Variants in TENM4 observed in about 807,000 individuals in gnomAD.
TENM4 encodes the protein teneurin-4.
TENM4 carries 82 observed loss-of-function variants against 243.3 expected under a neutral mutation model. The observed-to-expected ratio is 0.34, with a 90% CI of 0.28 to 0.40. The LOEUF (loss-of-function observed/expected upper bound fraction) is 0.40, where lower values mean the gene tolerates loss of function less well. TENM4 is among the 10% of genes least tolerant of loss of function. The pLI is 1.00. For missense variants in TENM4, 3,138 were observed against 3,673.3 expected, an observed-to-expected ratio of 0.85 and a Z score of 3.77; for synonymous variants, 1,412 against 1,456.3, an observed-to-expected ratio of 0.97 and a Z score of 0.69.
chr11:79,275,215 T>C (rs1419476207), intron 2 of TENM4, among the ~76,000 whole-genome samples: 5 of 147,668 alleles, frequency 3.4e-5, no homozygotes, highest in Non-Finnish European at 5.9e-5. Context: ...GTGCTGGGTA[T>C]GTGTGAGCGG....
chr11:79,299,274 T>TA (rs900974515), intron 1 of TENM4, among the ~76,000 whole-genome samples: 61 of 152,216 alleles, frequency 4.0e-4, no homozygotes, highest in Non-Finnish European at 7.8e-4. Flanking sequence ...GCTGAAATCG[T>TA]AAAAATGCCT....
At position 79,013,155 on chromosome 11, in the gene TENM4, A is replaced by G. The variant is rs182998317; in HGVS notation, c.493+51583T>C. ...CTCTTTCAGACATTCGGGAAATGGC[A>G]ACATTCAGGGGGCACGAGAGCTGGT... On this transcript the variant is annotated intron_variant, in intron 6 of 33. Coordinates refer to ENST00000278550, the MANE Select transcript of TENM4 (RefSeq NM_001098816.3). Among the ~76,000 whole-genome samples the G allele has an allele frequency of 2.3e-3, 352 of 152,326 alleles. 5 individuals carry two copies. Among genetic ancestry groups the G allele is most frequent in the African/African-American group, 8.2e-3 (341 of 41,578 alleles).
chr11:78,727,220 G>T (rs934324991), intron 22 of TENM4, among the ~76,000 whole-genome samples: 1 of 152,110 alleles, frequency 6.6e-6, no homozygotes, highest in African/African-American at 2.4e-5. Context: ...AGGCCGAGGC[G>T]GGCGGATCAC....
chr11:79,105,684 C>T lies in TENM4; in HGVS notation c.-65-35675G>A, dbSNP rs559890992. ...AGTGCCTATGTCTTTCCCCCTTCCC[C>T]AAGCTGGTTTCAGCCCCATGGTTTG... On this transcript the variant is annotated intron_variant, in intron 4 of 33. Transcript: ENST00000278550. 3.0e-4 allele frequency among the ~76,000 whole-genome samples: 46 copies of T among 152,312 alleles called. 1 individual carries two copies. In the South Asian group the frequency reaches 9.3e-3, roughly 31 times the overall value.
intron 6 of TENM4, among the ~76,000 whole-genome samples, chr11:79,001,937 C>T (rs1192298703): frequency 6.6e-6 from 1 of 152,208 alleles, no homozygotes; most frequent in African/African-American, 2.4e-5. Flanking sequence ...ATGCCTGCAG[C>T]CTCCCTCCAC....
chr11:79,175,868 T>C (rs979286499), intron 3 of TENM4, among the ~76,000 whole-genome samples: 6 of 152,162 alleles, frequency 3.9e-5, no homozygotes, highest in African/African-American at 1.4e-4. Flanking sequence ...GAAGATCACT[T>C]GAGCCCAGGA....
chr11:78,691,979 C>G (rs1858838443), intron 28 of TENM4, among the ~76,000 whole-genome samples: 1 of 152,118 alleles, frequency 6.6e-6, no homozygotes, highest in South Asian at 2.1e-4. Flanking sequence ...GTCCTCTGGG[C>G]CCCGCACACC....
intron 4 of TENM4, among the ~76,000 whole-genome samples, chr11:79,110,682 G>A (rs919604173): frequency 6.6e-6 from 1 of 152,180 alleles, no homozygotes; most frequent in Non-Finnish European, 1.5e-5. Flanking sequence ...AAGTTCCAAA[G>A]CTCAGGTCAA....
intron 1 of TENM4, among the ~76,000 whole-genome samples, chr11:79,394,381 C>A (rs554787161): frequency 6.6e-6 from 1 of 152,142 alleles, no homozygotes; most frequent in Non-Finnish European, 1.5e-5. Flanking sequence ...GTTGGAAGTC[C>A]CAGCTTCAGG....
In TENM4 at chr11:78,945,965, T is replaced by A. The variant is rs564344878; in HGVS notation, c.494-42442A>T. 8.5e-5 allele frequency among the ~76,000 whole-genome samples: 13 copies of A among 152,266 alleles called. No homozygotes were observed. In the East Asian group the frequency reaches 2.5e-3, roughly 29 times the overall value. ...ATGAGGTTTAAGGAAAGAAGCAGCC[T>A]CCATAACATAAAAGTGCAAGGTGAA... On this transcript the variant is annotated intron_variant, in intron 6 of 33. Coordinates refer to ENST00000278550, the MANE Select transcript of TENM4 (RefSeq NM_001098816.3).
intron 1 of TENM4, among the ~76,000 whole-genome samples, chr11:79,384,156 G>C (rs1191331455): frequency 6.6e-6 from 1 of 152,194 alleles, no homozygotes; most frequent in African/African-American, 2.4e-5. Flanking sequence ...TTTAGACCCA[G>C]CTTGTGGAGG....
At chr11:78,770,371 A>C (rs1431241826) in intron 18 of TENM4, among the ~76,000 whole-genome samples, 1 of 152,242 alleles carries the variant, frequency 6.6e-6, no homozygotes, top group Non-Finnish European at 1.5e-5. Flanking sequence ...AAGGATGCAC[A>C]GGGAGTCAAA....
At position 79,070,018 on chromosome 11, in the gene TENM4, A is replaced by G; in HGVS notation, c.-65-9T>C. ...ACTCAGGGCCGAGTGGTCTAGAGCC[A>G]GGGAAACCAAAGATAGGGCGTGAGA... is the stretch of plus-strand genomic sequence containing the variant. On this transcript the variant is annotated splice_polypyrimidine_tract_variant and intron_variant, in intron 4 of 33. Transcript: ENST00000278550. The G allele has an allele frequency of 6.7e-7, 1 of 1,496,218 alleles. No homozygotes were observed. Among genetic ancestry groups the G allele is most frequent in the Non-Finnish European group, 8.9e-7 (1 of 1,125,784 alleles). The allele number at this position is 1,496,218 out of a possible 1,614,324, so 92.7% of individuals were successfully genotyped here.
chr11:79,009,213 G>A (rs1168071286), intron 6 of TENM4, among the ~76,000 whole-genome samples: 2 of 152,098 alleles, frequency 1.3e-5, no homozygotes, highest in African/African-American at 2.4e-5. Flanking sequence ...CTGGACACAC[G>A]TGGGTTTTTA....
At chr11:78,822,801 C>T (rs1025343685) in intron 12 of TENM4, among the ~76,000 whole-genome samples, 1 of 152,164 alleles carries the variant, frequency 6.6e-6, no homozygotes, top group Non-Finnish European at 1.5e-5. Context: ...CATTTTATTA[C>T]TTCAACCAAT....
chr11:79,027,304 G>A (rs1166993992), intron 6 of TENM4, among the ~76,000 whole-genome samples: 1 of 152,126 alleles, frequency 6.6e-6, no homozygotes. Flanking sequence ...TTTCTGACCT[G>A]GTAGAGTCTT....
chr11:79,119,884 C>T (rs1320878220), intron 4 of TENM4, among the ~76,000 whole-genome samples: 5 of 152,156 alleles, frequency 3.3e-5, no homozygotes, highest in Admixed American at 6.5e-5. Context: ...GCAAATAGCT[C>T]GATAACCAGC....
Position 78,787,034 on chromosome 11 carries a change from G to A in TENM4, c.2229C>T (p.Thr743=). The A allele has an allele frequency of 6.4e-7, 1 of 1,556,330 alleles. No homozygotes were observed. The highest frequency in any genetic ancestry group is 8.7e-7 in the Non-Finnish European group (1 of 1,149,898). ...CCATCCAGCCATCCTCGCAGCGGCAGGTGCCCCCTACGCACACGCCATGGC... is the reference window on the plus strand; with the variant it reads ...CCATCCAGCCATCCTCGCAGCGGCAAGTGCCCCCTACGCACACGCCATGGC... ...CGGHGVCVGG[T]CRCEDGWMGA... The change falls in exon 16 of 34, where the codon ACC becomes ACT. Residue 743 remains threonine, a synonymous_variant. Coordinates refer to ENST00000278550, the MANE Select transcript of TENM4 (RefSeq NM_001098816.3).
At chr11:79,014,433 A>G (rs1858723678) in intron 6 of TENM4, 1 of 152,232 alleles carries the variant, frequency 6.6e-6, no homozygotes. Context: ...TCACAATGAC[A>G]GTGCTATTTG....
Sources: allele counts gnomAD v4.1 joint callset (sites outside exome capture counted in the v4.1 genomes callset), GRCh38; gene constraint gnomAD v4.1.1; transcripts MANE v1.5; gene names NCBI Gene and HGNC (gene_info 2026-07-23, HGNC 2026-07-21).